Variants in STARD6 observed in about 807,000 individuals in gnomAD.
STARD6 encodes StAR related lipid transfer domain containing 6, also known as stAR-related lipid transfer protein 6.
Under a neutral mutation model 22.3 loss-of-function variants are expected in STARD6, and 21 were observed. The observed-to-expected ratio is 0.94, with a 90% confidence interval of 0.67 to 1.35. The LOEUF (loss-of-function observed/expected upper bound fraction) is 1.35. Ranked by LOEUF, STARD6 falls within the 40% of genes most tolerant of loss-of-function variation. The pLI is 0.00. For missense variants in STARD6, 269 were observed against 266.9 expected, an observed-to-expected ratio of 1.01 and a Z score of -0.05; for synonymous variants, 80 against 88.1, an observed-to-expected ratio of 0.91 and a Z score of 0.52.
chr18:54,349,142 A>T (rs1568173676), intron 4 of STARD6, among the ~76,000 whole-genome samples: 5 of 152,150 alleles, frequency 3.3e-5, no homozygotes, highest in Admixed American at 2.0e-4. Context: ...AACAAAGAAG[A>T]TAAATTTCAT....
chr18:54,352,037 G>A (rs1300566444), intron 4 of STARD6, among the ~76,000 whole-genome samples: 1 of 148,788 alleles, frequency 6.7e-6, no homozygotes, highest in Non-Finnish European at 1.5e-5. Flanking sequence ...TTCTTTGAAT[G>A]TCTGATAAAA....
At chr18:54,331,921 TC>T (rs1338935920) in intron 5 of STARD6, 62 bp from the exon 6 acceptor site, 9 of 1,226,662 alleles carry the variant, frequency 7.3e-6, no homozygotes, top group African/African-American at 3.0e-5. Flanking sequence ...TTGTATTGTT[TC>T]CCCCCCAAAT....
intron 4 of STARD6, among the ~76,000 whole-genome samples, chr18:54,338,076 T>A (rs1599301454): frequency 6.6e-6 from 1 of 152,274 alleles, no homozygotes; most frequent in Admixed American, 6.5e-5. Flanking sequence ...TGTAAGTATT[T>A]CCCAAGCCAC....
At chr18:54,342,452 C>CCTCTCCCTCTCCCTCTCT (rs2088979807) in intron 4 of STARD6, among the ~76,000 whole-genome samples, 1 of 129,240 alleles carries the variant, frequency 7.7e-6, no homozygotes, top group African/African-American at 3.1e-5. Flanking sequence ...TCTCCCTCTC[C>CCTCTCCCTCTCCCTCTCT]CTCTCCCTCT....
At chr18:54,343,777 G>A in intron 4 of STARD6, among the ~76,000 whole-genome samples, 1 of 81,746 alleles carries the variant, frequency 1.2e-5, no homozygotes, top group South Asian at 5.2e-4. Context: ...GGTGGGGGGG[G>A]TCAGCCCCCC....
intron 4 of STARD6, among the ~76,000 whole-genome samples, chr18:54,338,591 A>G (rs1263248471): frequency 6.6e-6 from 1 of 152,142 alleles, no homozygotes; most frequent in Non-Finnish European, 1.5e-5. Context: ...GGATGGAGTC[A>G]GTATCCAGAG....
chr18:54,336,683 C>A (rs552652646), intron 5 of STARD6, among the ~76,000 whole-genome samples: 2 of 152,128 alleles, frequency 1.3e-5, no homozygotes, highest in Non-Finnish European at 2.9e-5. Context: ...GGCATCTCCC[C>A]CTTTGCTCCC....
chr18:54,334,072 G>A (rs1054836934), intron 5 of STARD6, among the ~76,000 whole-genome samples: 3 of 152,120 alleles, frequency 2.0e-5, no homozygotes, highest in Admixed American at 6.5e-5. Context: ...GTAGTTCAAT[G>A]AATTTCCCAA....
In STARD6 at chr18:54,344,061, G is replaced by A. The variant is rs1223219446; in HGVS notation, c.141-6810C>T. Among the ~76,000 whole-genome samples, 18 of 43,960 alleles carry A rather than the reference G, an allele frequency of 4.1e-4. No individual in the cohort carries two copies. In the South Asian group the frequency reaches 8.9e-3, roughly 22 times the overall value. The allele number at this position is 43,960 out of a possible 152,430, so 28.8% of individuals were successfully genotyped here. A position where few individuals can be genotyped will look rare whatever the true frequency, so the allele number is the denominator to read the frequency against. ...AGCCCCTCTGCCCGGCCACCACCCCGTCTGGGAGGTGTGCCCAACAGCTCA... is the reference window on the plus strand; with the variant it reads ...AGCCCCTCTGCCCGGCCACCACCCCATCTGGGAGGTGTGCCCAACAGCTCA... On this transcript the variant is annotated intron_variant, in intron 4 of 7. Transcript: ENST00000307844.
At chr18:54,343,299 GCCCAGCAGCCA>G (rs2088995553) in intron 4 of STARD6, among the ~76,000 whole-genome samples, 1 of 125,314 alleles carries the variant, frequency 8.0e-6, no homozygotes, top group Admixed American at 7.5e-5. Context: ...GAGCCTCTCC[GCCCAGCAGCCA>G]CCCCATCTGG....
chr18:54,350,112 G>C (rs2089081683), intron 4 of STARD6, among the ~76,000 whole-genome samples: 1 of 152,126 alleles, frequency 6.6e-6, no homozygotes, highest in Non-Finnish European at 1.5e-5. Flanking sequence ...CAGTGTAAAA[G>C]TGTTCCCTTT....
At chr18:54,341,940 T>C (rs986618270) in intron 4 of STARD6, among the ~76,000 whole-genome samples, 2 of 152,116 alleles carry the variant, frequency 1.3e-5, no homozygotes, top group African/African-American at 4.8e-5. Context: ...AGTAATGAAA[T>C]TGTGAATAGA....
intron 4 of STARD6, among the ~76,000 whole-genome samples, chr18:54,346,696 G>A (rs755064572): frequency 2.6e-5 from 4 of 152,010 alleles, no homozygotes; most frequent in African/African-American, 4.8e-5. Flanking sequence ...TGGCATATCC[G>A]TACCATAGAA....
At chr18:54,325,644 T>A (rs1348126030) in intron 7 of STARD6, among the ~76,000 whole-genome samples, 2 of 152,066 alleles carry the variant, frequency 1.3e-5, no homozygotes, top group Admixed American at 1.3e-4. Context: ...AACTCCTGAA[T>A]TTAAGCGATT....
In STARD6 at chr18:54,329,565, T is replaced by C. The variant is rs1284500764; in HGVS notation, c.386-125A>G. On this transcript the variant is annotated intron_variant, in intron 6 of 7. Coordinates refer to ENST00000307844, the MANE Select transcript of STARD6 (RefSeq NM_139171.2). ...ATAGCATTAACATTAGTTTTATATA[T>C]GTGAATGTGTATTTGCACATGTGAA... 5 of 699,500 alleles carry C rather than the reference T, an allele frequency of 7.1e-6. No individual in the cohort carries two copies. In the African/African-American group the frequency reaches 9.3e-5, roughly 13 times the overall value. The allele number at this position is 699,500 out of a possible 1,614,324, so 43.3% of individuals were successfully genotyped here.
intron 6 of STARD6, 149 bp from the exon 7 acceptor site, chr18:54,329,589 A>C (rs1047392288): frequency 1.7e-6 from 1 of 571,668 alleles, no homozygotes; most frequent in African/African-American, 2.0e-5. Flanking sequence ...TGCACATGTG[A>C]AGCCAAAATT....
intron 4 of STARD6, among the ~76,000 whole-genome samples, chr18:54,350,202 C>G (rs1202293437): frequency 6.6e-6 from 1 of 152,056 alleles, no homozygotes; most frequent in Non-Finnish European, 1.5e-5. Flanking sequence ...TGGTATCTCA[C>G]TCTGGTTTTA....
chr18:54,341,953 A>G (rs1787829), intron 4 of STARD6, among the ~76,000 whole-genome samples: 10,034 of 152,258 alleles, frequency 0.066, 382 homozygotes, highest in African/African-American at 0.087. Context: ...TGAATAGAAA[A>G]ATAAGAAAAT....
At chr18:54,353,527 G>A (rs1194304312) in intron 4 of STARD6, among the ~76,000 whole-genome samples, 1 of 152,166 alleles carries the variant, frequency 6.6e-6, no homozygotes, top group Non-Finnish European at 1.5e-5. Context: ...AGGTGTGGTG[G>A]TGTGCACCTG....
Sources: allele counts gnomAD v4.1 joint callset (sites outside exome capture counted in the v4.1 genomes callset), GRCh38; gene constraint gnomAD v4.1.1; transcripts MANE v1.5; gene names NCBI Gene and HGNC (gene_info 2026-07-23, HGNC 2026-07-21).